The following TECPR2 variants were observed in gnomAD, a reference collection of about 807,000 sequenced individuals.
TECPR2 encodes the protein tectonin beta-propeller repeat containing 2, also known as tectonin beta-propeller repeat-containing protein 2.
Under a neutral mutation model 138.1 loss-of-function variants are expected in TECPR2, and 65 were observed. The ratio of observed to expected loss-of-function variants is 0.47; its 90% CI spans 0.39 to 0.58. TECPR2 has a LOEUF of 0.58. Ranked by LOEUF, TECPR2 falls within the 20% of genes least tolerant of loss-of-function variation. The pLI, the probability that TECPR2 is intolerant of heterozygous loss-of-function variation, is 0.00. For missense variants in TECPR2, 1,553 were observed against 1,824.5 expected (o/e 0.85, Z 2.71); for synonymous variants, 746 against 749.8 (o/e 0.99, Z 0.08).
At chr14:102,426,588 G>C (rs28693059) in intron 6 of TECPR2, among the ~76,000 whole-genome samples, 2 of 152,158 alleles carry the variant, frequency 1.3e-5, no homozygotes, top group African/African-American at 4.8e-5. Context: ...AGTGGCTTAC[G>C]CCTGTAATCC....
At chr14:102,465,637 C>T in intron 17 of TECPR2, 1 of 994,460 alleles carries the variant, frequency 1.0e-6, no homozygotes, top group South Asian at 4.6e-5. Flanking sequence ...TAAATCAGTA[C>T]CCAGAAGTAT....
chr14:102,411,245 C>T (rs1443594001), intron 4 of TECPR2, among the ~76,000 whole-genome samples: 1 of 152,382 alleles, frequency 6.6e-6, no homozygotes. Context: ...AACATTTCAA[C>T]ACCATTTTGT....
At chr14:102,377,222 C>T (rs1034091621) in intron 2 of TECPR2, among the ~76,000 whole-genome samples, 3 of 152,198 alleles carry the variant, frequency 2.0e-5, no homozygotes, top group Non-Finnish European at 4.4e-5. Context: ...GTGGGACAAT[C>T]ATAGCTCATT....
chr14:102,398,985 A>G (rs1258427090), intron 2 of TECPR2, among the ~76,000 whole-genome samples: 1 of 151,832 alleles, frequency 6.6e-6, no homozygotes, highest in Non-Finnish European at 1.5e-5. Flanking sequence ...TGGAGGGGTC[A>G]GGTGCAGTGG....
At chr14:102,408,723 CCCTTT>C in intron 4 of TECPR2, 104 bp downstream of exon 4, 1 of 1,209,734 alleles carries the variant, frequency 8.3e-7, no homozygotes, top group Admixed American at 2.6e-5. Context: ...TGATCATCAT[CCCTTT>C]ATAATCTCAA....
intron 2 of TECPR2, among the ~76,000 whole-genome samples, chr14:102,406,761 C>G (rs1021018655): frequency 1.3e-5 from 2 of 152,014 alleles, no homozygotes; most frequent in African/African-American, 4.8e-5. Flanking sequence ...GGCTGAGGTG[C>G]GAGGATCGCT....
In TECPR2 at chr14:102,398,096, AAAG is replaced by A. The variant is rs372130025; in HGVS notation, c.220-9239_220-9237del. Among the ~76,000 whole-genome samples, 1,380 of 143,604 alleles carry A rather than the reference AAAG, an allele frequency of 9.6e-3. 24 individuals carry two copies. Among genetic ancestry groups the A allele is most frequent in the African/African-American group, 0.032 (1,306 of 40,380 alleles). 94.2% of individuals were successfully genotyped at this position (143,604 alleles called of 152,430 possible). A position where few individuals can be genotyped will look rare whatever the true frequency, so the allele number is the denominator to read the frequency against. On this transcript the variant is annotated intron_variant, in intron 2 of 19. Coordinates refer to ENST00000359520, the MANE Select transcript of TECPR2 (RefSeq NM_014844.5). ...TCAAAAAAAAAAAAAAAAAAAGAAA[AAAG>A]AAAGAAAAGAAAAAGGAAAACAGTG...
intron 9 of TECPR2, among the ~76,000 whole-genome samples, chr14:102,437,391 A>G (rs991091746): frequency 1.3e-5 from 2 of 152,198 alleles, no homozygotes; most frequent in African/African-American, 4.8e-5. Flanking sequence ...TACTAAAAAT[A>G]CAAAAAATAG....
At chr14:102,405,912 A>C (rs771300440) in intron 2 of TECPR2, among the ~76,000 whole-genome samples, 3 of 152,180 alleles carry the variant, frequency 2.0e-5, no homozygotes, top group Non-Finnish European at 4.4e-5. Context: ...TGTGTTAAGG[A>C]GATAAGCCAG....
chr14:102,453,101 A>T lies in TECPR2; in HGVS notation c.3640+474A>T, dbSNP rs189426463. Among the ~76,000 whole-genome samples, 89 of 152,316 alleles carry T rather than the reference A, an allele frequency of 5.8e-4. No individual in the cohort carries two copies. In the East Asian group the frequency reaches 0.014, roughly 24 times the overall value. On this transcript the variant is annotated intron_variant, in intron 16 of 19. Coordinates refer to ENST00000359520, the MANE Select transcript of TECPR2 (RefSeq NM_014844.5). ...GCTAGCTCTCCTTCAGCTCAGCCAG[A>T]TATAGGAGGACCTGCATCCACTAGC...
chr14:102,492,092 C>A (rs1216081942), intron 17 of TECPR2, among the ~76,000 whole-genome samples: 1 of 152,160 alleles, frequency 6.6e-6, no homozygotes, highest in Non-Finnish European at 1.5e-5. Flanking sequence ...AAAGATGTGT[C>A]CAGAATGACT....
chr14:102,430,597 T>C (rs1284934831), intron 7 of TECPR2, among the ~76,000 whole-genome samples: 1 of 152,164 alleles, frequency 6.6e-6, no homozygotes, highest in African/African-American at 2.4e-5. Context: ...TGGATCAAAG[T>C]GGGCTGTGGT....
rs990378387 is a variant in TECPR2, at chr14:102,420,052, G to A, written c.639-4927G>A. On this transcript the variant is annotated intron_variant, in intron 5 of 19. Coordinates refer to ENST00000359520, the MANE Select transcript of TECPR2 (RefSeq NM_014844.5). This position sits in a 1 kb window ranked among gnomAD's most constrained non-coding sequence, Gnocchi z 4.1. ...TCTTCTCACTCAGCTTAGACTTTCA[G>A]GCTCCCATTTTGGGTGCTGTCAGCT... Among the ~76,000 whole-genome samples, 1 of 152,154 alleles carries A rather than the reference G, an allele frequency of 6.6e-6. No individual in the cohort carries two copies. The highest frequency in any genetic ancestry group is 2.4e-5 in the African/African-American group (1 of 41,434).
chr14:102,428,215 G>GTTTTTTTTTTTTTTTTTT, intron 6 of TECPR2, 35 bp from the exon 7 acceptor site: 4 of 1,309,496 alleles, frequency 3.1e-6, no homozygotes, highest in South Asian at 1.4e-5. Context: ...TTAGTTTTGT[G>GTTTTTTTTTTTTTTTTTT]TTTTTTGTTT....
intron 6 of TECPR2, among the ~76,000 whole-genome samples, chr14:102,425,674 C>G (rs1170413088): frequency 2.0e-5 from 3 of 151,904 alleles, no homozygotes; most frequent in Non-Finnish European, 4.4e-5. Flanking sequence ...CTCCCAGGTT[C>G]AAGCGATTCT....
At chr14:102,440,359 T>C in intron 10 of TECPR2, 77 bp from the exon 11 acceptor site, 1 of 1,543,148 alleles carries the variant, frequency 6.5e-7, no homozygotes, top group Non-Finnish European at 8.8e-7. Flanking sequence ...CTCCCCTCAA[T>C]GCCCAGCATG....
At chr14:102,410,207 C>A (rs1433561751) in intron 4 of TECPR2, among the ~76,000 whole-genome samples, 1 of 152,170 alleles carries the variant, frequency 6.6e-6, no homozygotes, top group Non-Finnish European at 1.5e-5. Context: ...ATTTTCAAAA[C>A]AGGTGAGAAG....
At position 102,396,183 on chromosome 14, in the gene TECPR2, A is replaced by G. The variant is rs1597782390; in HGVS notation, c.220-11155A>G. ...AGTGGCGCGATCTCAGCTCATTGCAACCTCTGCCTCATGGGTTCAAGCTGC... is the reference window on the plus strand; with the variant it reads ...AGTGGCGCGATCTCAGCTCATTGCAGCCTCTGCCTCATGGGTTCAAGCTGC... On this transcript the variant is annotated intron_variant, in intron 2 of 19. Transcript: ENST00000359520. Among the ~76,000 whole-genome samples the G allele has an allele frequency of 2.0e-5, 3 of 150,318 alleles. No individual in the cohort carries two copies. In the South Asian group the frequency reaches 6.3e-4, roughly 32 times the overall value.
chr14:102,389,114 G>A (rs1888099439), intron 2 of TECPR2, among the ~76,000 whole-genome samples: 1 of 150,218 alleles, frequency 6.7e-6, no homozygotes, highest in South Asian at 2.1e-4. Context: ...TGGGCAACAA[G>A]AGTGAAACTC....
Sources: gnomAD v4.1 joint callset for allele counts (sites outside exome capture counted in the v4.1 genomes callset) on GRCh38, gnomAD v4.1.1 for gene constraint, Gnocchi (gnomAD v3.1) non-coding constraint, MANE v1.5 for transcripts, NCBI Gene and HGNC (gene_info 2026-07-23, HGNC 2026-07-21) for gene names.